Variants in DNM2 observed in about 807,000 individuals in gnomAD.
The protein encoded by DNM2 is dynamin-2.
In DNM2, 15 loss-of-function variants were observed where a neutral mutation model predicts 99.0. The ratio of observed to expected loss-of-function variants is 0.15; its 90% CI spans 0.10 to 0.23. DNM2 has a LOEUF of 0.23. Ranked by LOEUF, DNM2 falls within the 10% of genes least tolerant of loss-of-function variation. The pLI, the probability that DNM2 is intolerant of heterozygous loss-of-function variation, is 1.00. For missense variants in DNM2, 742 were observed against 1,189.4 expected, an observed-to-expected ratio of 0.62 and a Z score of 5.53; for synonymous variants, 525 against 481.2, an observed-to-expected ratio of 1.09 and a Z score of -1.19.
At position 10,775,936 on chromosome 19, in the gene DNM2, TC is replaced by T. The variant is rs755284395; in HGVS notation, c.589+32del. The T allele has an allele frequency of 9.4e-6, 15 of 1,604,090 alleles. No homozygotes were observed. The highest frequency in any genetic ancestry group is 1.3e-5 in the Non-Finnish European group (15 of 1,179,604). On this transcript the variant is annotated intron_variant, in intron 4 of 20. Coordinates refer to ENST00000389253, the MANE Select transcript of DNM2 (RefSeq NM_001005361.3). This position sits in a 1 kb window ranked among gnomAD's most constrained non-coding sequence, Gnocchi z 4.3. ...CCCTGAGCCTAGGGCAGTCCCCTCTTCCAGGTGCCTCTGAGCATGGGATGTG... is the reference window on the plus strand; with the variant it reads ...CCCTGAGCCTAGGGCAGTCCCCTCTTCAGGTGCCTCTGAGCATGGGATGTG...
In DNM2 at chr19:10,831,838, C is replaced by T; in HGVS notation, c.*791C>T. 7.1e-6 allele frequency: 7 copies of T among 991,686 alleles called. No individual in the cohort carries two copies. Among genetic ancestry groups the T allele is most frequent in the Non-Finnish European group, 8.4e-6 (7 of 833,692 alleles). 61.4% of individuals were successfully genotyped at this position (991,686 alleles called of 1,614,324 possible). On this transcript the variant is annotated 3_prime_UTR_variant, in exon 21 of 21. Transcript: ENST00000389253. The surrounding 1 kb of genome is among the most constrained non-coding windows in gnomAD (Gnocchi z 4.3). ...CTCACCCACTCCTCGCTCAGTTTGACCACTGTAAGTGCCTGCACTCTGTAT... is the reference window on the plus strand; with the variant it reads ...CTCACCCACTCCTCGCTCAGTTTGATCACTGTAAGTGCCTGCACTCTGTAT...
At chr19:10,783,839 TACAGGCGTGTGCCACC>T (rs996074614) in intron 6 of DNM2, among the ~76,000 whole-genome samples, 2 of 151,872 alleles carry the variant, frequency 1.3e-5, no homozygotes, top group African/African-American at 4.8e-5. Context: ...TAGCTGGGAT[TACAGGCGTGTGCCACC>T]ACACCTGGCT....
intron 2 of DNM2, among the ~76,000 whole-genome samples, chr19:10,760,510 C>T (rs1380151349): frequency 3.9e-5 from 6 of 152,102 alleles, no homozygotes; most frequent in Non-Finnish European, 5.9e-5. Context: ...GAGTCATTCC[C>T]GCATGTCATC....
intron 1 of DNM2, among the ~76,000 whole-genome samples, chr19:10,739,767 G>A (rs1257669090): frequency 6.9e-6 from 1 of 145,140 alleles, no homozygotes; most frequent in Non-Finnish European, 1.5e-5. Flanking sequence ...TGAGGCACGA[G>A]AATCTCTTGA....
intron 18 of DNM2, among the ~76,000 whole-genome samples, chr19:10,827,973 C>T (rs527717985): frequency 1.2e-4 from 18 of 152,172 alleles, no homozygotes; most frequent in African/African-American, 3.9e-4. Flanking sequence ...AGTGTTTGAA[C>T]AGAAGCCAGG....
intron 1 of DNM2, among the ~76,000 whole-genome samples, chr19:10,744,345 A>C (rs559935127): frequency 3.9e-4 from 60 of 152,222 alleles, no homozygotes; most frequent in Non-Finnish European, 7.1e-4. Context: ...GCCGAGAGAT[A>C]CGCTGTGGGG....
chr19:10,798,654 T>C, intron 11 of DNM2, 82 bp downstream of exon 11: 1 of 1,491,128 alleles, frequency 6.7e-7, no homozygotes, highest in South Asian at 1.2e-5. Context: ...TGCTGACAGC[T>C]GCATATGGCA....
chr19:10,778,790 A>G (rs1380832087), intron 5 of DNM2, among the ~76,000 whole-genome samples: 1 of 152,194 alleles, frequency 6.6e-6, no homozygotes, highest in African/African-American at 2.4e-5. Context: ...ACCAGACCAC[A>G]TCCCACATTT....
Position 10,793,716 on chromosome 19 carries a change from A to T in DNM2, c.993-4A>T. 1 of 1,614,084 alleles carries T rather than the reference A, an allele frequency of 6.2e-7. No individual in the cohort carries two copies. ...TGATGCTTGCTTTTTCCTTTTCCTCATAGGATGGTCCAGCAGTTTGGGGTG... is the reference window on the plus strand; with the variant it reads ...TGATGCTTGCTTTTTCCTTTTCCTCTTAGGATGGTCCAGCAGTTTGGGGTG... On this transcript the variant is annotated splice_polypyrimidine_tract_variant and splice_region_variant and intron_variant, in intron 7 of 20. Transcript: ENST00000389253.
chr19:10,828,024 C>T (rs942414472), intron 18 of DNM2, among the ~76,000 whole-genome samples: 1 of 152,198 alleles, frequency 6.6e-6, no homozygotes, highest in Non-Finnish European at 1.5e-5. Context: ...GTGGCTCACT[C>T]ACGCCTGTAA....
At chr19:10,745,544 A>G (rs1470727161) in intron 1 of DNM2, among the ~76,000 whole-genome samples, 3 of 152,068 alleles carry the variant, frequency 2.0e-5, no homozygotes, top group African/African-American at 7.2e-5. Context: ...ACAAATAAAA[A>G]AAGTTAGCTG....
rs200968756 is a variant in DNM2, at chr19:10,830,253, G to T, written c.2418G>T (p.Ala806=). ...TGGGGGCAGCAGCCTCCTTCTCGGC[G>T]CCCCCAATCCCATCCCGGCCTGGAC... ...VPVGAAASFS[A]PPIPSRPGPQ... The change falls in exon 20 of 21, where the codon GCG becomes GCT. Residue 806 remains alanine (A), a synonymous_variant. Transcript: ENST00000389253. The surrounding 1 kb of genome is among the most constrained non-coding windows in gnomAD (Gnocchi z 4.8). The T allele has an allele frequency of 1.9e-6, 3 of 1,613,828 alleles. No individual in the cohort carries two copies. The highest frequency in any genetic ancestry group is 1.7e-6 in the Non-Finnish European group (2 of 1,179,904).
At chr19:10,723,460 G>T (rs1473001957) in intron 1 of DNM2, among the ~76,000 whole-genome samples, 1 of 152,074 alleles carries the variant, frequency 6.6e-6, no homozygotes, top group Non-Finnish European at 1.5e-5. Flanking sequence ...TAGAGATGGG[G>T]TTTCGCCATG....
intron 1 of DNM2, among the ~76,000 whole-genome samples, chr19:10,735,294 TC>T (rs1349774352): frequency 6.6e-6 from 1 of 152,134 alleles, no homozygotes; most frequent in African/African-American, 2.4e-5. Context: ...CGCCTCTGCC[TC>T]CCAGAGTGCT....
intron 6 of DNM2, among the ~76,000 whole-genome samples, chr19:10,784,616 A>G (rs1335807132): frequency 6.6e-6 from 1 of 151,908 alleles, no homozygotes; most frequent in African/African-American, 2.4e-5. Context: ...CCTGTCACAG[A>G]CCAAGGGAAG....
At chr19:10,733,981 C>T (rs2069429669) in intron 1 of DNM2, among the ~76,000 whole-genome samples, 4 of 150,774 alleles carry the variant, frequency 2.7e-5, no homozygotes, top group Non-Finnish European at 4.4e-5. Flanking sequence ...GTACTTCAGC[C>T]TGGACAACAA....
At chr19:10,776,220 G>A (rs918287682) in intron 4 of DNM2, among the ~76,000 whole-genome samples, 5 of 152,224 alleles carry the variant, frequency 3.3e-5, no homozygotes, top group African/African-American at 1.2e-4. Flanking sequence ...CCATCTAGCT[G>A]TTACTCTGCT....
chr19:10,747,267 T>A (rs2070023095), intron 1 of DNM2, among the ~76,000 whole-genome samples: 1 of 152,140 alleles, frequency 6.6e-6, no homozygotes, highest in Non-Finnish European at 1.5e-5. Context: ...GGTGGCATCA[T>A]TCCCACATAA....
chr19:10,795,459 T>C lies in DNM2; in HGVS notation c.1196+20T>C. The C allele has an allele frequency of 6.2e-7, 1 of 1,613,268 alleles. No individual in the cohort carries two copies. Among genetic ancestry groups the C allele is most frequent in the South Asian group, 1.1e-5 (1 of 91,058 alleles). ...AGTCAGGCAAGTTCCACGAGGAGAG[T>C]CACCACTGTTCCTTCCTCTCCGTGG... On this transcript the variant is annotated intron_variant, in intron 9 of 20. Transcript: ENST00000389253. The surrounding 1 kb of genome is among the most constrained non-coding windows in gnomAD (Gnocchi z 4.2).
Sources: allele counts gnomAD v4.1 joint callset (sites outside exome capture counted in the v4.1 genomes callset), GRCh38; gene constraint gnomAD v4.1.1; non-coding constraint Gnocchi (gnomAD v3.1); transcripts MANE v1.5; gene names NCBI Gene and HGNC (gene_info 2026-07-23, HGNC 2026-07-21).